The following ANKRD13C variants were observed in gnomAD, a reference collection of about 807,000 sequenced individuals.
ANKRD13C encodes the protein ankyrin repeat domain 13C, also known as ankyrin repeat domain-containing protein 13C.
ANKRD13C carries 16 observed loss-of-function variants against 65.5 expected under a neutral mutation model. The ratio of observed to expected loss-of-function variants is 0.24; its 90% CI spans 0.17 to 0.37. The LOEUF is 0.37. Among genes scored for constraint, ANKRD13C ranks in the 10% least tolerant of loss-of-function variants. ANKRD13C has a pLI of 1.00. For synonymous variants in ANKRD13C, 235 were observed against 238.7 expected, an observed-to-expected ratio of 0.98 and a Z score of 0.14; for missense variants, 503 against 655.9, an observed-to-expected ratio of 0.77 and a Z score of 2.55.
chr1:70,319,798 C>T (rs1234984535), intron 3 of ANKRD13C, among the ~76,000 whole-genome samples: 1 of 152,102 alleles, frequency 6.6e-6, no homozygotes, highest in African/African-American at 2.4e-5. Flanking sequence ...AACTTTTCCA[C>T]TCATCTGTTT....
At chr1:70,285,872 G>T (rs1222959384) in intron 9 of ANKRD13C, among the ~76,000 whole-genome samples, 1 of 152,044 alleles carries the variant, frequency 6.6e-6, no homozygotes, top group African/African-American at 2.4e-5. Context: ...TGATCTGCCT[G>T]CCACCACCGT....
At chr1:70,336,927 A>T (rs1261832771) in intron 1 of ANKRD13C, among the ~76,000 whole-genome samples, 1 of 152,254 alleles carries the variant, frequency 6.6e-6, no homozygotes, top group African/African-American at 2.4e-5. Flanking sequence ...AGCCATACTT[A>T]TGATCTAAAT....
At chr1:70,299,986 C>A (rs980610960) in intron 7 of ANKRD13C, among the ~76,000 whole-genome samples, 3 of 152,066 alleles carry the variant, frequency 2.0e-5, no homozygotes, top group African/African-American at 4.8e-5. Context: ...GAAGGAAAAT[C>A]ATGTCGTACT....
rs1371792214 is a variant in ANKRD13C at position 70,259,210 on chromosome 1, A to G, written c.*3507T>C. Among the ~76,000 whole-genome samples the G allele has an allele frequency of 1.3e-5, 2 of 152,208 alleles. No individual in the cohort carries two copies. Among genetic ancestry groups the G allele is most frequent in the Non-Finnish European group, 2.9e-5 (2 of 68,026 alleles). ...TCTTTAGTCATCAAGAACTCTATGT[A>G]TGGGAGGTACAGGTAAATAAGTGGT... On this transcript the variant is annotated 3_prime_UTR_variant, in exon 13 of 13. Coordinates refer to ENST00000370944, the MANE Select transcript of ANKRD13C (RefSeq NM_030816.5).
intron 4 of ANKRD13C, among the ~76,000 whole-genome samples, chr1:70,314,362 G>A (rs1680983491): frequency 1.3e-5 from 2 of 151,440 alleles, no homozygotes; most frequent in Non-Finnish European, 2.9e-5. Context: ...GGGACTACAG[G>A]CGCCTGCCAC....
intron 9 of ANKRD13C, among the ~76,000 whole-genome samples, chr1:70,284,528 T>C (rs1269389434): frequency 1.3e-5 from 2 of 152,142 alleles, no homozygotes; most frequent in Non-Finnish European, 2.9e-5. Flanking sequence ...TTTGAAAGAA[T>C]TGCTAAGACG....
At chr1:70,338,571 T>C (rs1223280639) in intron 1 of ANKRD13C, among the ~76,000 whole-genome samples, 17 of 151,970 alleles carry the variant, frequency 1.1e-4, no homozygotes, top group Non-Finnish European at 2.5e-4. Context: ...GGCTACTTTT[T>C]ATATTTTTAG....
chr1:70,331,227 A>T (rs749378759), intron 2 of ANKRD13C, among the ~76,000 whole-genome samples: 11 of 152,218 alleles, frequency 7.2e-5, no homozygotes, highest in Non-Finnish European at 1.6e-4. Flanking sequence ...AGAATAGACT[A>T]TCTAGGCTGA....
intron 9 of ANKRD13C, among the ~76,000 whole-genome samples, chr1:70,280,367 C>T (rs1166819618): frequency 1.3e-5 from 2 of 152,056 alleles, no homozygotes; most frequent in Non-Finnish European, 2.9e-5. Context: ...CTGGGGAAAG[C>T]AGAATGGTGA....
chr1:70,303,966 G>A (rs1423937440), intron 6 of ANKRD13C, among the ~76,000 whole-genome samples: 2 of 152,070 alleles, frequency 1.3e-5, no homozygotes, highest in Non-Finnish European at 2.9e-5. Context: ...ATCTTGCTAA[G>A]TTACTAACTT....
chr1:70,296,408 T>TA, intron 7 of ANKRD13C, 147 bp from the exon 8 acceptor site: 2 of 750,508 alleles, frequency 2.7e-6, no homozygotes, highest in Non-Finnish European at 4.1e-6. Context: ...TTACTTACTC[T>TA]AAAAAGAATT....
At chr1:70,280,977 A>T (rs777515781) in intron 9 of ANKRD13C, among the ~76,000 whole-genome samples, 5 of 152,138 alleles carry the variant, frequency 3.3e-5, no homozygotes, top group Admixed American at 6.5e-5. Context: ...TAGAGATAAC[A>T]GGAAAGCTAA....
In ANKRD13C at chr1:70,260,203, A is replaced by C. The variant is rs1678341509; in HGVS notation, c.*2514T>G. On this transcript the variant is annotated 3_prime_UTR_variant, in exon 13 of 13. Coordinates refer to ENST00000370944, the MANE Select transcript of ANKRD13C (RefSeq NM_030816.5). ...ATCTGTACTTCTTATACTCACAAAA[A>C]TCAGGGCATCTACTTCATACTACCC... Among the ~76,000 whole-genome samples the C allele has an allele frequency of 6.6e-6, 1 of 152,122 alleles. No homozygotes were observed. The highest frequency in any genetic ancestry group is 2.4e-5 in the African/African-American group (1 of 41,442).
chr1:70,352,016 C>T (rs1682761421), intron 1 of ANKRD13C, among the ~76,000 whole-genome samples: 1 of 152,008 alleles, frequency 6.6e-6, no homozygotes, highest in African/African-American at 2.4e-5. Flanking sequence ...ATAAGGTCAG[C>T]TAAACACAAT....
intron 9 of ANKRD13C, among the ~76,000 whole-genome samples, chr1:70,281,793 A>G (rs1679403406): frequency 6.6e-6 from 1 of 151,470 alleles, no homozygotes; most frequent in African/African-American, 2.4e-5. Context: ...TCTCCTTTCT[A>G]ATTAGCACTT....
intron 7 of ANKRD13C, 134 bp from the exon 8 acceptor site, chr1:70,296,395 G>A (rs1012663447): frequency 3.7e-5 from 31 of 848,300 alleles, no homozygotes; most frequent in Non-Finnish European, 5.1e-5. Flanking sequence ...ATAATGTGAA[G>A]TGTTACTTAC....
At chr1:70,301,231 A>G (rs1680342105) in intron 6 of ANKRD13C, among the ~76,000 whole-genome samples, 1 of 151,960 alleles carries the variant, frequency 6.6e-6, no homozygotes. Flanking sequence ...ACACACACAT[A>G]TTTCATTGAC....
intron 2 of ANKRD13C, among the ~76,000 whole-genome samples, chr1:70,332,662 T>C (rs551323024): frequency 6.6e-6 from 1 of 152,122 alleles, no homozygotes; most frequent in Non-Finnish European, 1.5e-5. Context: ...GATGGGGTCT[T>C]GCCATGGTGC....
intron 3 of ANKRD13C, among the ~76,000 whole-genome samples, chr1:70,324,225 A>T (rs1040653829): frequency 6.6e-6 from 1 of 152,228 alleles, no homozygotes; most frequent in Non-Finnish European, 1.5e-5. Context: ...CAGCAAGATA[A>T]TATTCCCATT....
Sources: allele counts gnomAD v4.1 joint callset (sites outside exome capture counted in the v4.1 genomes callset), GRCh38; gene constraint gnomAD v4.1.1; transcripts MANE v1.5; gene names NCBI Gene and HGNC (gene_info 2026-07-23, HGNC 2026-07-21).